RPH3A: variants seen among roughly 807,000 people sequenced by gnomAD.
RPH3A encodes rabphilin-3A.
RPH3A carries 48 observed loss-of-function variants against 102.2 expected under a neutral mutation model. The observed-to-expected ratio is 0.47, with a 90% CI of 0.37 to 0.60. The LOEUF (loss-of-function observed/expected upper bound fraction) is 0.60, where lower values mean the gene tolerates loss of function less well. RPH3A is among the 20% of genes least tolerant of loss of function. The probability of loss-of-function intolerance (pLI) is 0.00; values close to 1 mark genes in which losing one functional copy is unlikely to be tolerated. For missense variants in RPH3A, 781 were observed against 910.1 expected, an observed-to-expected ratio of 0.86 and a Z score of 1.83; for synonymous variants, 310 against 324.3, an observed-to-expected ratio of 0.96 and a Z score of 0.47.
At chr12:112,891,049 G>A (rs768922880) in intron 19 of RPH3A, 46 bp downstream of exon 19, 1 of 1,604,166 alleles carries the variant, frequency 6.2e-7, no homozygotes, top group African/African-American at 1.3e-5. Flanking sequence ...AAGGAGTCCT[G>A]GAGCCTTGGA....
intron 1 of RPH3A, among the ~76,000 whole-genome samples, chr12:112,767,456 TG>T (rs1258723986): frequency 2.0e-5 from 3 of 152,134 alleles, no homozygotes; most frequent in African/African-American, 7.2e-5. Flanking sequence ...CTGCATGGCG[TG>T]GCATTCGGGT....
At chr12:112,795,549 T>C (rs574441359) in intron 2 of RPH3A, among the ~76,000 whole-genome samples, 1 of 152,174 alleles carries the variant, frequency 6.6e-6, no homozygotes, top group African/African-American at 2.4e-5. Context: ...GTGTGGGCTC[T>C]GGGGGCGGTC....
chr12:112,784,623 C>A (rs2041031469), intron 1 of RPH3A, among the ~76,000 whole-genome samples: 1 of 152,152 alleles, frequency 6.6e-6, no homozygotes, highest in South Asian at 2.1e-4. Flanking sequence ...CAGATTTGTT[C>A]TGGGCCGTGA....
At chr12:112,596,313 T>A (rs539515526) in intron 1 of RPH3A, among the ~76,000 whole-genome samples, 21 of 152,296 alleles carry the variant, frequency 1.4e-4, no homozygotes, top group Non-Finnish European at 2.2e-4. Flanking sequence ...GGCTAACTTT[T>A]AAAGTTTTTG....
intron 1 of RPH3A, among the ~76,000 whole-genome samples, chr12:112,642,719 AAATAAT>A (rs376449920): frequency 6.6e-6 from 1 of 152,052 alleles, no homozygotes; most frequent in Admixed American, 6.6e-5. Context: ...AGATGATAGT[AAATAAT>A]AATAATAATA....
chr12:112,698,204 G>A (rs756616130), intron 1 of RPH3A, among the ~76,000 whole-genome samples: 4 of 152,142 alleles, frequency 2.6e-5, no homozygotes, highest in Admixed American at 6.5e-5. Flanking sequence ...GGATATCCAC[G>A]TGGAAATAAA....
chr12:112,576,777 A>G (rs890957767), intron 1 of RPH3A, among the ~76,000 whole-genome samples: 1 of 151,390 alleles, frequency 6.6e-6, no homozygotes, highest in Non-Finnish European at 1.5e-5. Flanking sequence ...TAAAAATGAC[A>G]GTGTTCACAC....
At chr12:112,679,047 C>A (rs1466814987) in intron 1 of RPH3A, among the ~76,000 whole-genome samples, 1 of 152,204 alleles carries the variant, frequency 6.6e-6, no homozygotes, top group Admixed American at 6.5e-5. Flanking sequence ...ACCTGCCCCC[C>A]ACTGCAGGCT....
intron 2 of RPH3A, among the ~76,000 whole-genome samples, chr12:112,823,411 T>C (rs141358274): frequency 1.3e-5 from 2 of 152,208 alleles, no homozygotes; most frequent in Admixed American, 1.3e-4. Flanking sequence ...GGAGTAGGAT[T>C]GTAAGGAGTA....
At chr12:112,602,053 T>C (rs2039562957) in intron 1 of RPH3A, among the ~76,000 whole-genome samples, 1 of 152,208 alleles carries the variant, frequency 6.6e-6, no homozygotes, top group Non-Finnish European at 1.5e-5. Context: ...AGGTGGGTAT[T>C]GCTGAGGCGG....
chr12:112,762,785 A>G (rs1171176064), intron 1 of RPH3A, among the ~76,000 whole-genome samples: 1 of 152,206 alleles, frequency 6.6e-6, no homozygotes, highest in African/African-American at 2.4e-5. Context: ...CATTGTAGCA[A>G]CACCAGGAGA....
chr12:112,583,375 T>TCAGATAGGGAATAGGATTTGCAC (rs2039414016), intron 1 of RPH3A, among the ~76,000 whole-genome samples: 1 of 152,100 alleles, frequency 6.6e-6, no homozygotes, highest in African/African-American at 2.4e-5. Flanking sequence ...TTTCTCAAGG[T>TCAGATAGGGAATAGGATTTGCAC]CAGATAGGGA....
intron 5 of RPH3A, among the ~76,000 whole-genome samples, 171 bp from the exon 6 acceptor site, chr12:112,865,243 C>T (rs548687887): frequency 2.1e-4 from 32 of 152,050 alleles, no homozygotes; most frequent in Non-Finnish European, 3.2e-4. Flanking sequence ...TCTGAAAATG[C>T]GTCAGAATTT....
At chr12:112,828,488 G>A in intron 3 of RPH3A, 99 bp downstream of exon 3, 1 of 864,206 alleles carries the variant, frequency 1.2e-6, no homozygotes, top group Non-Finnish European at 1.8e-6. Context: ...CCTTCCCTGA[G>A]GAAGGGGGAG....
At chr12:112,704,403 A>C (rs2040414755) in intron 1 of RPH3A, among the ~76,000 whole-genome samples, 1 of 152,060 alleles carries the variant, frequency 6.6e-6, no homozygotes, top group Admixed American at 6.6e-5. Flanking sequence ...CCATCTTTTC[A>C]AGGTGCAGAT....
chr12:112,644,379 G>C (rs1299264278), intron 1 of RPH3A, among the ~76,000 whole-genome samples: 2 of 152,172 alleles, frequency 1.3e-5, no homozygotes, highest in Admixed American at 1.3e-4. Flanking sequence ...CTGGGAGAGG[G>C]TGCAGAACAC....
chr12:112,778,965 G>A (rs2040988197), intron 1 of RPH3A, among the ~76,000 whole-genome samples: 1 of 152,172 alleles, frequency 6.6e-6, no homozygotes, highest in Non-Finnish European at 1.5e-5. Flanking sequence ...CCACCTGAAA[G>A]GACTGACTGT....
At chr12:112,594,506 C>A (rs1288053307) in intron 1 of RPH3A, among the ~76,000 whole-genome samples, 1 of 152,180 alleles carries the variant, frequency 6.6e-6, no homozygotes, top group Non-Finnish European at 1.5e-5. Flanking sequence ...AATAATCCCT[C>A]CCTCCATTTA....
Position 112,755,332 on chromosome 12 carries a change from CACACACAT to C in RPH3A, c.-139-36807_-139-36800del, listed in dbSNP as rs780389936. ...ACACACACACACACACACACACACA[CACACACAT>C]ACATATGCATACCTTGTTAAATACA... is the stretch of plus-strand genomic sequence containing the variant. On this transcript the variant is annotated intron_variant, in intron 1 of 21. Coordinates refer to the RPH3A transcript ENST00000543106. Among the ~76,000 whole-genome samples the C allele has an allele frequency of 3.7e-5, 5 of 134,930 alleles. No individual in the cohort carries two copies. In the East Asian group the frequency reaches 6.8e-4, roughly 18 times the overall value. 88.5% of individuals were successfully genotyped at this position (134,930 alleles called of 152,430 possible). A position where few individuals can be genotyped will look rare whatever the true frequency, so the allele number is the denominator to read the frequency against.
Sources: allele counts gnomAD v4.1 joint callset (sites outside exome capture counted in the v4.1 genomes callset), GRCh38; gene constraint gnomAD v4.1.1; transcripts MANE v1.5; gene names NCBI Gene and HGNC (gene_info 2026-07-23, HGNC 2026-07-21).